CCDC30: variants seen among roughly 807,000 people sequenced by gnomAD.
CCDC30 encodes coiled-coil domain containing 30.
CCDC30 carries 70 observed loss-of-function variants against 100.2 expected under a neutral mutation model. The observed-to-expected ratio is 0.70, with a 90% CI of 0.58 to 0.85. The LOEUF (loss-of-function observed/expected upper bound fraction) is 0.85, where lower values mean the gene tolerates loss of function less well. Ranked by LOEUF, CCDC30 falls within the 40% of genes least tolerant of loss-of-function variation. The pLI is 0.00. For synonymous variants in CCDC30, 233 were observed against 269.5 expected, an observed-to-expected ratio of 0.86 and a Z score of 1.33; for missense variants, 652 against 771.2, an observed-to-expected ratio of 0.85 and a Z score of 1.83.
intron 12 of CCDC30, among the ~76,000 whole-genome samples, chr1:42,640,756 C>T (rs551773080): frequency 1.9e-4 from 29 of 151,672 alleles, no homozygotes; most frequent in African/African-American, 6.5e-4. Context: ...TAGCTGGGTG[C>T]GGTGGTGGGC....
At chr1:42,502,554 C>T (rs1392708444) in intron 6 of CCDC30, among the ~76,000 whole-genome samples, 1 of 152,234 alleles carries the variant, frequency 6.6e-6, no homozygotes, top group Non-Finnish European at 1.5e-5. Context: ...TTCTGCGTCG[C>T]TCATGCTGGG....
intron 6 of CCDC30, among the ~76,000 whole-genome samples, chr1:42,518,489 T>G (rs181914309): frequency 6.6e-6 from 1 of 152,358 alleles, no homozygotes; most frequent in Non-Finnish European, 1.5e-5. Flanking sequence ...TCATTGTACC[T>G]TTTCTGATTA....
intron 1 of CCDC30, among the ~76,000 whole-genome samples, chr1:42,469,583 G>A (rs997086122): frequency 4.6e-5 from 7 of 152,234 alleles, no homozygotes; most frequent in African/African-American, 1.4e-4. Context: ...TAGAAAAGGA[G>A]ATAAGGAACA....
chr1:42,533,276 G>A (rs1644835576), intron 6 of CCDC30, among the ~76,000 whole-genome samples: 1 of 152,198 alleles, frequency 6.6e-6, no homozygotes, highest in African/African-American at 2.4e-5. Context: ...GTGAGCTGGT[G>A]TTGATAACGT....
intron 5 of CCDC30, 43 bp downstream of exon 5, chr1:42,497,256 C>T: frequency 9.1e-7 from 1 of 1,104,478 alleles, no homozygotes; most frequent in Non-Finnish European, 1.1e-6. Context: ...AATGTGTCTA[C>T]CATAACAATC....
At chr1:42,641,215 T>TTGTGTGTGTGTGTGTGTGTGTGTG (rs71065188) in intron 12 of CCDC30, among the ~76,000 whole-genome samples, 1 of 132,358 alleles carries the variant, frequency 7.6e-6, no homozygotes, top group Non-Finnish European at 1.6e-5. Flanking sequence ...CACATGGCTT[T>TTGTGTGTGTGTGTGTGTGTGTGTG]TGTGTGTGTG....
chr1:42,490,951 G>A (rs1474624526), intron 4 of CCDC30, among the ~76,000 whole-genome samples: 2 of 152,046 alleles, frequency 1.3e-5, no homozygotes, highest in Admixed American at 1.3e-4. Context: ...GCTTGAATCA[G>A]TGGTGAATTA....
At chr1:42,533,067 A>G (rs1204452620) in intron 6 of CCDC30, among the ~76,000 whole-genome samples, 3 of 152,172 alleles carry the variant, frequency 2.0e-5, no homozygotes, top group Non-Finnish European at 2.9e-5. Flanking sequence ...AAAAGCTTTT[A>G]GTTTTGACGT....
intron 6 of CCDC30, among the ~76,000 whole-genome samples, chr1:42,536,117 A>G (rs1644900430): frequency 6.6e-6 from 1 of 152,132 alleles, no homozygotes; most frequent in South Asian, 2.1e-4. Context: ...GTAAGTCCTC[A>G]ATATAAAGTA....
At chr1:42,496,540 G>A (rs539074705) in intron 4 of CCDC30, among the ~76,000 whole-genome samples, 3 of 152,086 alleles carry the variant, frequency 2.0e-5, no homozygotes, top group Non-Finnish European at 4.4e-5. Flanking sequence ...ACTAGGTGAA[G>A]GTGGGATAAA....
chr1:42,605,981 C>T (rs1010196401), intron 10 of CCDC30, among the ~76,000 whole-genome samples: 14 of 152,104 alleles, frequency 9.2e-5, no homozygotes, highest in African/African-American at 3.4e-4. Context: ...AAAAAACTTG[C>T]AGATGAGCCA....
At chr1:42,648,547 G>A (rs1388008686) in intron 15 of CCDC30, among the ~76,000 whole-genome samples, 6 of 152,060 alleles carry the variant, frequency 3.9e-5, no homozygotes, top group Non-Finnish European at 8.8e-5. Context: ...GCATGCACCT[G>A]TAATCCCAGC....
intron 14 of CCDC30, among the ~76,000 whole-genome samples, chr1:42,645,758 G>C (rs1411075675): frequency 6.6e-6 from 1 of 152,084 alleles, no homozygotes; most frequent in Non-Finnish European, 1.5e-5. Context: ...AGCCACAACT[G>C]TTTTCAATTG....
intron 7 of CCDC30, among the ~76,000 whole-genome samples, chr1:42,575,077 T>C (rs937458499): frequency 3.3e-5 from 5 of 152,230 alleles, no homozygotes; most frequent in Admixed American, 6.5e-5. Context: ...TTATATAATC[T>C]GATTGGTTAA....
the CCDC30 span, chr1:42,456,273 G>A: frequency 1.7e-6 from 1 of 599,466 alleles, no homozygotes; most frequent in South Asian, 2.0e-5. Flanking sequence ...ACAGTGGCCG[G>A]TAAGGGTCAA....
intron 6 of CCDC30, among the ~76,000 whole-genome samples, chr1:42,560,885 A>T (rs1645473298): frequency 6.6e-6 from 1 of 152,206 alleles, no homozygotes; most frequent in Non-Finnish European, 1.5e-5. Context: ...GGTTGCATAC[A>T]CCCTACCAAG....
At chr1:42,489,899 T>A in intron 3 of CCDC30, 1 of 211,010 alleles carries the variant, frequency 4.7e-6, no homozygotes, top group East Asian at 8.9e-5. Flanking sequence ...TTCCTCTTCA[T>A]CATGAAATCT....
In CCDC30 at chr1:42,523,895, T is replaced by A. The variant is rs187265231; in HGVS notation, c.456+24979T>A. ...GAATCCCTATAGTGAATTTTTTATTTCAGTTGTTGTACTTTTCAGTTCTAG... is the reference window on the plus strand; with the variant it reads ...GAATCCCTATAGTGAATTTTTTATTACAGTTGTTGTACTTTTCAGTTCTAG... On this transcript the variant is annotated intron_variant, in intron 6 of 16. Transcript: ENST00000668663. Among the ~76,000 whole-genome samples the A allele has an allele frequency of 3.8e-4, 58 of 152,340 alleles. No individual in the cohort carries two copies. The East Asian group carries it at 0.01, about 26-fold the overall frequency.
Position 42,642,243 on chromosome 1 carries a change from A to AC in CCDC30, c.1420-230_1420-229insC, listed in dbSNP as rs201667585. Among the ~76,000 whole-genome samples the AC allele has an allele frequency of 1.1e-3, 161 of 150,800 alleles. 1 individual carries two copies. The highest frequency in any genetic ancestry group is 3.7e-3 in the African/African-American group (152 of 40,628). On this transcript the variant is annotated intron_variant, in intron 12 of 16. Transcript: ENST00000668663. ...CTGTCTTAAACAAACAAACAAACAA[A>AC]AAAATATATATATATATATATGACA...
Sources: gnomAD v4.1 joint callset for allele counts (sites outside exome capture counted in the v4.1 genomes callset) on GRCh38, gnomAD v4.1.1 for gene constraint, MANE v1.5 for transcripts, NCBI Gene and HGNC (gene_info 2026-07-23, HGNC 2026-07-21) for gene names.